Variants in WDR64 observed in about 807,000 individuals in gnomAD.
The protein encoded by WDR64 is WD repeat domain 64, also known as WD repeat-containing protein 64.
Under a neutral mutation model 139.3 loss-of-function variants are expected in WDR64, and 112 were observed. The observed-to-expected ratio is 0.80, with a 90% confidence interval of 0.69 to 0.94. The LOEUF is 0.94. Ranked by LOEUF, WDR64 falls within the 40% of genes least tolerant of loss-of-function variation. The probability of loss-of-function intolerance (pLI) is 0.00; values close to 1 mark genes in which losing one functional copy is unlikely to be tolerated. For missense variants in WDR64, 1,206 were observed against 1,293.1 expected, an observed-to-expected ratio of 0.93 and a Z score of 1.03; for synonymous variants, 444 against 437.7, an observed-to-expected ratio of 1.01 and a Z score of -0.18.
At chr1:241,782,245 G>A (rs964966055) in intron 22 of WDR64, among the ~76,000 whole-genome samples, 3 of 152,158 alleles carry the variant, frequency 2.0e-5, no homozygotes, top group East Asian at 1.9e-4. Flanking sequence ...CCGAGATCGC[G>A]CCACCGCACT....
chr1:241,670,217 C>CTT (rs1432815996), intron 2 of WDR64, among the ~76,000 whole-genome samples: 1 of 152,098 alleles, frequency 6.6e-6, no homozygotes, highest in Admixed American at 6.6e-5. Flanking sequence ...AATAAGAACT[C>CTT]TTTTCTTCCT....
intron 21 of WDR64, among the ~76,000 whole-genome samples, chr1:241,776,905 G>C (rs1658674868): frequency 6.6e-6 from 1 of 152,048 alleles, no homozygotes; most frequent in Non-Finnish European, 1.5e-5. Context: ...TTGTGATCCA[G>C]AAAATAGAGT....
rs1301427522 is a variant in WDR64, at chr1:241,783,322, A to G, written c.2646A>G (p.Gln882=). The part of the protein sequence containing the change: ...SWRAHSLEII[Q]VIYVEEKQVV... ...GTGCTCATTCTTTGGAAATTATTCA[A>G]GTAATCTATGTAGAAGAAAAACAAG... Residue 882 remains glutamine (Q), a synonymous_variant, in exon 23 of 28, where the codon CAA becomes CAG. Coordinates refer to ENST00000437684, the MANE Select transcript of WDR64 (RefSeq NM_001367482.1). 2.6e-5 allele frequency: 42 copies of G among 1,613,968 alleles called. No homozygotes were observed. Among genetic ancestry groups the G allele is most frequent in the Non-Finnish European group, 3.4e-5 (40 of 1,179,994 alleles).
At position 241,703,454 on chromosome 1, in the gene WDR64, C is replaced by A. The variant is rs1322584957; in HGVS notation, c.975-8348C>A. ...AGGGACTTTTGATAGGGGACTCTAT[C>A]AAAAAGTTTTTTTTTTTTTTCTGTT... is the stretch of plus-strand genomic sequence containing the variant. On this transcript the variant is annotated intron_variant, in intron 8 of 27. Coordinates refer to ENST00000437684, the MANE Select transcript of WDR64 (RefSeq NM_001367482.1). The surrounding 1 kb of genome is among the most constrained non-coding windows in gnomAD (Gnocchi z 5.9). Among the ~76,000 whole-genome samples, 1 of 142,318 alleles carries A rather than the reference C, an allele frequency of 7.0e-6. No homozygotes were observed. The highest frequency in any genetic ancestry group is 1.6e-5 in the Non-Finnish European group (1 of 64,434). The allele number at this position is 142,318 out of a possible 152,430, so 93.4% of individuals were successfully genotyped here. A position where few individuals can be genotyped will look rare whatever the true frequency, so the allele number is the denominator to read the frequency against.
In WDR64 at chr1:241,777,404, G is replaced by C. The variant is rs1270557593; in HGVS notation, c.2536+2194G>C. Reference sequence around the variant, plus strand: ...CGCTGCATACCACAAATTTTGATAAGTTGTAATTTCACCTTTTTTTTTTTT... The same window carrying C: ...CGCTGCATACCACAAATTTTGATAACTTGTAATTTCACCTTTTTTTTTTTT... On this transcript the variant is annotated intron_variant, in intron 21 of 27. Coordinates refer to ENST00000437684, the MANE Select transcript of WDR64 (RefSeq NM_001367482.1). Among the ~76,000 whole-genome samples, 5 of 141,278 alleles carry C rather than the reference G, an allele frequency of 3.5e-5. No homozygotes were observed. In the Admixed American group the frequency reaches 3.9e-4, roughly 11 times the overall value. 92.7% of individuals were successfully genotyped at this position (141,278 alleles called of 152,430 possible). A position where few individuals can be genotyped will look rare whatever the true frequency, so the allele number is the denominator to read the frequency against.
At chr1:241,779,765 G>T (rs915152811) in intron 21 of WDR64, among the ~76,000 whole-genome samples, 1 of 152,286 alleles carries the variant, frequency 6.6e-6, no homozygotes, top group Non-Finnish European at 1.5e-5. Flanking sequence ...AGGAGGCAGA[G>T]GTTGCAGTGA....
intron 27 of WDR64, among the ~76,000 whole-genome samples, chr1:241,800,249 G>A (rs1476949810): frequency 6.6e-6 from 1 of 152,124 alleles, no homozygotes; most frequent in Admixed American, 6.5e-5. Flanking sequence ...TAATGTCCAA[G>A]CTTAAAGGAT....
chr1:241,734,668 G>C (rs995105080), intron 10 of WDR64, among the ~76,000 whole-genome samples: 2 of 151,922 alleles, frequency 1.3e-5, no homozygotes, highest in Non-Finnish European at 2.9e-5. Flanking sequence ...GAGTCAAATA[G>C]GCTGTGGTTC....
intron 10 of WDR64, 52 bp downstream of exon 10, chr1:241,723,488 T>C (rs56403213): frequency 0.073 from 115,085 of 1,582,350 alleles, 4,591 homozygotes; most frequent in East Asian, 0.15. Flanking sequence ...GAAAATTATC[T>C]GTTGGAAGGC....
chr1:241,708,704 G>GT (rs1331215028), intron 8 of WDR64, among the ~76,000 whole-genome samples: 3 of 42,732 alleles, frequency 7.0e-5, no homozygotes, highest in East Asian at 6.5e-4. Flanking sequence ...TTTTTTTTTT[G>GT]TTTTTTTGTT....
intron 1 of WDR64, among the ~76,000 whole-genome samples, chr1:241,653,548 T>TC (rs1558454833): frequency 6.9e-6 from 1 of 144,374 alleles, no homozygotes; most frequent in Non-Finnish European, 1.6e-5. Flanking sequence ...CTTTTCTTTT[T>TC]TTTTTTTTTT....
chr1:241,777,340 T>G (rs1658689813), intron 21 of WDR64, among the ~76,000 whole-genome samples: 1 of 152,184 alleles, frequency 6.6e-6, no homozygotes, highest in Admixed American at 6.5e-5. Context: ...TTCTAATGTA[T>G]GCATTGAATG....
chr1:241,782,138 A>T (rs907931460), intron 22 of WDR64, among the ~76,000 whole-genome samples: 1 of 152,322 alleles, frequency 6.6e-6, no homozygotes, highest in Non-Finnish European at 1.5e-5. Context: ...TACAAAAAAA[A>T]TTAGCTGGGC....
rs769703429 is a variant in WDR64 at position 241,780,045 on chromosome 1, C to T, written c.2578C>T (p.Pro860Ser). The T allele has an allele frequency of 5.0e-6, 8 of 1,587,436 alleles. No homozygotes were observed. Among genetic ancestry groups the T allele is most frequent in the Non-Finnish European group, 6.8e-6 (8 of 1,172,980 alleles). ...ILCNISSFLDPPHDEKKFKQL... is the reference protein window; with the variant it reads ...ILCNISSFLDSPHDEKKFKQL... The stretch of plus-strand genomic sequence containing the variant: ...TTGCAATATTAGCTCTTTCCTGGAT[C>T]CACCTCATGATGAAAAGGTAAGAAC... The change falls in exon 22 of 28, where the codon CCA (proline) becomes TCA (serine). Residue 860 changes from proline to serine, a missense_variant. Physicochemically the swap from Pro to Ser is moderately conservative, Grantham distance 74. Coordinates refer to ENST00000437684, the MANE Select transcript of WDR64 (RefSeq NM_001367482.1).
At chr1:241,771,979 T>TATATATAA (rs1658471164) in intron 19 of WDR64, among the ~76,000 whole-genome samples, 2 of 134,378 alleles carry the variant, frequency 1.5e-5, no homozygotes, top group African/African-American at 5.6e-5. Flanking sequence ...TATATATATA[T>TATATATAA]ATATATATAT....
intron 5 of WDR64, among the ~76,000 whole-genome samples, chr1:241,678,762 C>A (rs1266821298): frequency 6.8e-6 from 1 of 146,008 alleles, no homozygotes; most frequent in Non-Finnish European, 1.5e-5. Flanking sequence ...TCATTGCTTG[C>A]ATGCACTGAA....
chr1:241,683,251 A>T (rs144310687), intron 6 of WDR64, among the ~76,000 whole-genome samples: 113 of 152,306 alleles, frequency 7.4e-4, no homozygotes, highest in African/African-American at 2.5e-3. Flanking sequence ...TTATTGGCCC[A>T]GGGGTAGGCA....
At chr1:241,722,355 A>T (rs1330383521) in intron 9 of WDR64, among the ~76,000 whole-genome samples, 1 of 152,222 alleles carries the variant, frequency 6.6e-6, no homozygotes, top group African/African-American at 2.4e-5. Flanking sequence ...TTGGAAAGTA[A>T]GCTAGCAATA....
chr1:241,731,100 A>C (rs565460484), intron 10 of WDR64, among the ~76,000 whole-genome samples: 4 of 152,244 alleles, frequency 2.6e-5, no homozygotes, highest in Non-Finnish European at 5.9e-5. Flanking sequence ...ATATGTGCAA[A>C]GAGGTTCACT....
Sources: gnomAD v4.1 joint callset for allele counts (sites outside exome capture counted in the v4.1 genomes callset) on GRCh38, gnomAD v4.1.1 for gene constraint, Gnocchi (gnomAD v3.1) non-coding constraint, MANE v1.5 for transcripts, NCBI Gene and HGNC (gene_info 2026-07-23, HGNC 2026-07-21) for gene names.